The following RANBP10 variants were observed in gnomAD, a reference collection of about 807,000 sequenced individuals.
The protein encoded by RANBP10 is ran-binding protein 10.
A neutral mutation model predicts 72.8 loss-of-function variants in RANBP10; 24 were observed. The ratio of observed to expected loss-of-function variants is 0.33; its 90% CI spans 0.24 to 0.46. RANBP10 has a LOEUF of 0.46. Ranked by LOEUF, RANBP10 falls within the 20% of genes least tolerant of loss-of-function variation. RANBP10 has a pLI of 1.00. For missense variants in RANBP10, 679 were observed against 817.5 expected, an observed-to-expected ratio of 0.83 and a Z score of 2.07; for synonymous variants, 310 against 322.3, an observed-to-expected ratio of 0.96 and a Z score of 0.41.
In RANBP10 at chr16:67,738,050, G is replaced by A. The variant is rs754200452; in HGVS notation, c.569-15C>T. 1 of 1,586,544 alleles carries A rather than the reference G, an allele frequency of 6.3e-7. No individual in the cohort carries two copies. The highest frequency in any genetic ancestry group is 1.1e-5 in the South Asian group (1 of 87,476). Reference sequence around the variant, plus strand: ...GAAGGCTATACCTGTGGGGGGAAAGGAACAGTCATCAGGGCCAGCCCCTGG... The same window carrying A: ...GAAGGCTATACCTGTGGGGGGAAAGAAACAGTCATCAGGGCCAGCCCCTGG... On this transcript the variant is annotated splice_polypyrimidine_tract_variant and intron_variant, in intron 4 of 13. Coordinates refer to ENST00000317506, the MANE Select transcript of RANBP10 (RefSeq NM_020850.3).
At chr16:67,737,192 C>CTTTTTTTTT (rs71145979) in intron 5 of RANBP10, among the ~76,000 whole-genome samples, 13 of 75,966 alleles carry the variant, frequency 1.7e-4, no homozygotes, top group African/African-American at 6.9e-4. Context: ...CCATCCTTTT[C>CTTTTTTTTT]TTTTTTTTTT....
chr16:67,792,656 A>ATGGTGGCAGGCG (rs2055049965), intron 2 of RANBP10, among the ~76,000 whole-genome samples: 1 of 149,850 alleles, frequency 6.7e-6, no homozygotes, highest in African/African-American at 2.5e-5. Flanking sequence ...GGTGGTACGC[A>ATGGTGGCAGGCG]CCTATAGTCC....
chr16:67,798,387 T>C (rs2055172005), intron 2 of RANBP10, among the ~76,000 whole-genome samples: 1 of 152,154 alleles, frequency 6.6e-6, no homozygotes, highest in African/African-American at 2.4e-5. Flanking sequence ...GCCACAGCTG[T>C]CTCTCAGCTG....
chr16:67,763,385 G>A (rs1458960073), intron 3 of RANBP10: 1 of 152,294 alleles, frequency 6.6e-6, no homozygotes, highest in Non-Finnish European at 1.5e-5. Context: ...GCTGTCAGCA[G>A]AGATGGGGAA....
At chr16:67,746,654 C>CA (rs1415776633) in intron 3 of RANBP10, among the ~76,000 whole-genome samples, 1 of 152,090 alleles carries the variant, frequency 6.6e-6, no homozygotes, top group Non-Finnish European at 1.5e-5. Context: ...CTTTCTCCTC[C>CA]AAAAAAAGTT....
In RANBP10 at chr16:67,725,849, G is replaced by C. The variant is rs1178559629; in HGVS notation, c.*579C>G. ...AATAAATCACTTGGCTGAGGTGACA[G>C]AGATTCTTCTTTTTTAATGAGTTGG... is the stretch of plus-strand genomic sequence containing the variant. On this transcript the variant is annotated 3_prime_UTR_variant, in exon 14 of 14. Coordinates refer to ENST00000317506, the MANE Select transcript of RANBP10 (RefSeq NM_020850.3). The C allele has an allele frequency of 6.6e-6, 1 of 152,574 alleles. No homozygotes were observed. 9.5% of individuals were successfully genotyped at this position (152,574 alleles called of 1,614,324 possible).
intron 3 of RANBP10, among the ~76,000 whole-genome samples, chr16:67,769,572 C>T (rs1315051549): frequency 6.7e-6 from 1 of 148,518 alleles, no homozygotes; most frequent in Non-Finnish European, 1.5e-5. Context: ...GGTGAAACCC[C>T]GTTTCTATTA....
At chr16:67,728,586 C>T (rs753827158) in intron 10 of RANBP10, 75 bp from the exon 11 acceptor site, 1 of 1,608,480 alleles carries the variant, frequency 6.2e-7, no homozygotes. Context: ...TCCTTTCAAG[C>T]TGTAGCCATG....
chr16:67,754,641 A>G (rs944588237), intron 3 of RANBP10, among the ~76,000 whole-genome samples: 1 of 152,178 alleles, frequency 6.6e-6, no homozygotes, highest in Non-Finnish European at 1.5e-5. Context: ...CCCCGGCCCC[A>G]TATTTTGCAG....
intron 3 of RANBP10, among the ~76,000 whole-genome samples, 173 bp from the exon 4 acceptor site, chr16:67,744,628 G>A (rs1360931929): frequency 1.3e-5 from 2 of 152,218 alleles, no homozygotes; most frequent in Non-Finnish European, 2.9e-5. Context: ...AGTCCAGCAG[G>A]TGACTGCCAA....
chr16:67,769,994 G>A (rs1010286922), intron 3 of RANBP10, among the ~76,000 whole-genome samples: 21 of 151,824 alleles, frequency 1.4e-4, no homozygotes, highest in Non-Finnish European at 2.5e-4. Flanking sequence ...GAGCATGGAA[G>A]GTCAAGACTG....
chr16:67,750,450 A>G (rs2054172092), intron 3 of RANBP10, among the ~76,000 whole-genome samples: 1 of 152,140 alleles, frequency 6.6e-6, no homozygotes, highest in Non-Finnish European at 1.5e-5. Flanking sequence ...GGTGCCTACC[A>G]AACCTCTTCA....
rs748826765 is a variant in RANBP10 at position 67,727,745 on chromosome 16, CT to C, written c.1620+5del. The C allele has an allele frequency of 1.9e-6, 3 of 1,614,168 alleles. No individual in the cohort carries two copies. Among genetic ancestry groups the C allele is most frequent in the Admixed American group, 1.7e-5 (1 of 60,028 alleles). On this transcript the variant is annotated splice_donor_5th_base_variant and intron_variant, in intron 12 of 13. Transcript: ENST00000317506. The stretch of plus-strand genomic sequence containing the variant: ...TGCTCTGCATGAGGCCCGGCTCATC[CT>C]GTACCTGCAGCATCTCTGTGTGGGC...
Position 67,806,339 on chromosome 16 carries a change from A to G in RANBP10, c.198T>C (p.Ile66=). 1 of 1,613,490 alleles carries G rather than the reference A, an allele frequency of 6.2e-7. No individual in the cohort carries two copies. The change falls in exon 1 of 14, where the codon ATT becomes ATC. Residue 66 remains isoleucine (I), a synonymous_variant. Transcript: ENST00000317506. ...CGCGGAGGTTGCCCTGGGAGAGACC[A>G]ATGTAGTTGTATTTGTCCTTGGGGC... is the stretch of plus-strand genomic sequence containing the variant. ...SWSPKDKYNY[I]GLSQGNLRVH...
chr16:67,742,329 A>C (rs994847164), intron 4 of RANBP10, among the ~76,000 whole-genome samples: 1 of 152,210 alleles, frequency 6.6e-6, no homozygotes, highest in Non-Finnish European at 1.5e-5. Flanking sequence ...ATGAAAACAT[A>C]AACACAAACA....
At chr16:67,728,548 G>T in intron 10 of RANBP10, 37 bp from the exon 11 acceptor site, 1 of 1,613,584 alleles carries the variant, frequency 6.2e-7, no homozygotes, top group Non-Finnish European at 8.5e-7. Context: ...TGGCCCAGGG[G>T]GTGTGGTTGG....
rs1179051075 is a variant in RANBP10, at chr16:67,724,555, C to G, written c.*1873G>C. 1 of 152,230 alleles carries G rather than the reference C, an allele frequency of 6.6e-6. No individual in the cohort carries two copies. Among genetic ancestry groups the G allele is most frequent in the Non-Finnish European group, 1.5e-5 (1 of 68,040 alleles). 9.4% of individuals were successfully genotyped at this position (152,230 alleles called of 1,614,324 possible). A position where few individuals can be genotyped will look rare whatever the true frequency, so the allele number is the denominator to read the frequency against. On this transcript the variant is annotated 3_prime_UTR_variant, in exon 14 of 14. Transcript: ENST00000317506. ...ATGAATTTCCTTTACAGACAGGACG[C>G]CTCCTAACAGGCCATGGTCTATGGG...
intron 2 of RANBP10, among the ~76,000 whole-genome samples, chr16:67,803,232 T>C (rs1022202223): frequency 6.6e-6 from 1 of 152,070 alleles, no homozygotes; most frequent in East Asian, 1.9e-4. Flanking sequence ...TAGATGGGGA[T>C]AAAAATGAAA....
intron 3 of RANBP10, among the ~76,000 whole-genome samples, chr16:67,771,804 C>T (rs1259096876): frequency 1.3e-5 from 2 of 152,172 alleles, no homozygotes; most frequent in Non-Finnish European, 2.9e-5. Context: ...ACTTTGATGG[C>T]AAACAGTTCA....
Sources: gnomAD v4.1 joint callset for allele counts (sites outside exome capture counted in the v4.1 genomes callset) on GRCh38, gnomAD v4.1.1 for gene constraint, MANE v1.5 for transcripts, NCBI Gene and HGNC (gene_info 2026-07-23, HGNC 2026-07-21) for gene names.